The following GALNT17 variants were observed in gnomAD, a reference collection of about 807,000 sequenced individuals.
The protein encoded by GALNT17 is UDP-GalNAc:polypeptide N-acetylgalactosaminyltransferase-like 3.
A neutral mutation model predicts 63.7 loss-of-function variants in GALNT17; 29 were observed. That is an observed-to-expected ratio of 0.46 (90% CI 0.34 to 0.62). The LOEUF (loss-of-function observed/expected upper bound fraction) is 0.62, where lower values mean the gene tolerates loss of function less well. Ranked by LOEUF, GALNT17 falls within the 20% of genes least tolerant of loss-of-function variation. The pLI, the probability that GALNT17 is intolerant of heterozygous loss-of-function variation, is 0.01. For missense variants in GALNT17, 603 were observed against 799.6 expected (o/e 0.75, Z 2.97); for synonymous variants, 305 against 318.3 (o/e 0.96, Z 0.45).
chr7:71,272,640 G>T (rs1030667658), intron 1 of GALNT17, among the ~76,000 whole-genome samples: 5 of 152,166 alleles, frequency 3.3e-5, no homozygotes, highest in African/African-American at 1.2e-4. Flanking sequence ...CCTTCAACCT[G>T]CGCTTCAGAC....
At chr7:71,355,187 TGAG>T (rs1490174222) in intron 2 of GALNT17, among the ~76,000 whole-genome samples, 1 of 152,208 alleles carries the variant, frequency 6.6e-6, no homozygotes, top group African/African-American at 2.4e-5. Flanking sequence ...TCTGACTTAT[TGAG>T]TTCTGCTTTT....
chr7:71,396,260 G>A (rs1793138135), intron 3 of GALNT17, among the ~76,000 whole-genome samples: 1 of 151,992 alleles, frequency 6.6e-6, no homozygotes, highest in East Asian at 1.9e-4. Context: ...CTTCCATTTA[G>A]GTTTATATCC....
chr7:71,352,629 G>T (rs996718362), intron 2 of GALNT17, among the ~76,000 whole-genome samples: 4 of 152,192 alleles, frequency 2.6e-5, no homozygotes, highest in Admixed American at 2.0e-4. Flanking sequence ...AGAGATAGGG[G>T]TTGGGAGATA....
intron 5 of GALNT17, among the ~76,000 whole-genome samples, chr7:71,529,904 G>A (rs933902432): frequency 1.3e-5 from 2 of 152,054 alleles, no homozygotes; most frequent in African/African-American, 4.8e-5. Context: ...TTGACTCCTG[G>A]GCTTTTCTAG....
At chr7:71,609,506 GAA>G (rs1790094360) in intron 6 of GALNT17, among the ~76,000 whole-genome samples, 1 of 152,108 alleles carries the variant, frequency 6.6e-6, no homozygotes, top group South Asian at 2.1e-4. Flanking sequence ...CAGAGAGAGA[GAA>G]AGAGAGAAAT....
intron 5 of GALNT17, among the ~76,000 whole-genome samples, chr7:71,532,442 A>G (rs1788735677): frequency 6.6e-6 from 1 of 152,174 alleles, no homozygotes; most frequent in Admixed American, 6.5e-5. Context: ...TGTTTAAAGT[A>G]CCATATGTCT....
At chr7:71,685,913 G>A (rs1791347221) in intron 9 of GALNT17, among the ~76,000 whole-genome samples, 1 of 23,970 alleles carries the variant, frequency 4.2e-5, no homozygotes, top group Non-Finnish European at 2.3e-4. Flanking sequence ...GAGGTTCTTG[G>A]GTTTTTTTTT....
intron 1 of GALNT17, among the ~76,000 whole-genome samples, chr7:71,162,117 C>T (rs1788356361): frequency 3.0e-5 from 3 of 100,624 alleles, no homozygotes; most frequent in Non-Finnish European, 2.1e-5. Context: ...TCCTCCCTCC[C>T]TCCCTCCCTT....
chr7:71,577,322 C>T (rs1396443874), intron 6 of GALNT17, among the ~76,000 whole-genome samples: 1 of 152,196 alleles, frequency 6.6e-6, no homozygotes, highest in Non-Finnish European at 1.5e-5. Flanking sequence ...TCACACACAA[C>T]ACCCATGTGA....
chr7:71,625,887 G>T (rs1489193176), intron 6 of GALNT17, among the ~76,000 whole-genome samples: 2 of 152,142 alleles, frequency 1.3e-5, no homozygotes, highest in Admixed American at 1.3e-4. Context: ...GGTCTTTAAA[G>T]AATGAAGTTA....
In GALNT17 at chr7:71,263,683, A is replaced by G. The variant is rs182592383; in HGVS notation, c.239-71867A>G. Among the ~76,000 whole-genome samples, 660 of 151,922 alleles carry G rather than the reference A, an allele frequency of 4.3e-3. 21 individuals carry two copies. The East Asian group carries it at 0.097, about 22-fold the overall frequency. ...TCATGCCTGTAATCCCAGCACTTTG[A>G]GAGGCCAAGGCGGGCGGATCACTAG... On this transcript the variant is annotated intron_variant, in intron 1 of 10. Coordinates refer to ENST00000333538, the MANE Select transcript of GALNT17 (RefSeq NM_022479.3).
At chr7:71,244,496 A>G (rs1279104688) in intron 1 of GALNT17, among the ~76,000 whole-genome samples, 1 of 152,142 alleles carries the variant, frequency 6.6e-6, no homozygotes, top group Admixed American at 6.5e-5. Flanking sequence ...TAGTTGTGTG[A>G]CCTTGAGCAA....
intron 5 of GALNT17, among the ~76,000 whole-genome samples, chr7:71,538,997 C>G (rs543197314): frequency 5.3e-5 from 8 of 151,976 alleles, no homozygotes; most frequent in Admixed American, 5.2e-4. Flanking sequence ...AGTGCAGTGG[C>G]GCCATTTCAA....
rs149074490 is a variant in GALNT17, at chr7:71,710,811, C to A, written c.1551C>A (p.Thr517=). ...EGFLHLGALG[T]TTLLPDTRCL... ...TCCTGCACTTGGGTGCCCTGGGGACCACCACACTCCTCCCTGACACCCGCT... is the reference window on the plus strand; with the variant it reads ...TCCTGCACTTGGGTGCCCTGGGGACAACCACACTCCTCCCTGACACCCGCT... The change falls in exon 10 of 11, where the codon ACC becomes ACA. Residue 517 remains threonine (T), a synonymous_variant. Transcript: ENST00000333538. 2.1e-4 allele frequency: 345 copies of A among 1,613,388 alleles called. 1 individual carries two copies. Among genetic ancestry groups the A allele is most frequent in the Non-Finnish European group, 2.8e-4 (326 of 1,179,942 alleles).
At chr7:71,416,946 A>G (rs1786544520) in intron 4 of GALNT17, among the ~76,000 whole-genome samples, 1 of 152,196 alleles carries the variant, frequency 6.6e-6, no homozygotes, top group East Asian at 1.9e-4. Flanking sequence ...AAGATTTTGG[A>G]TGCACAAAGA....
chr7:71,649,844 G>A (rs903689914), intron 6 of GALNT17, among the ~76,000 whole-genome samples: 6 of 152,156 alleles, frequency 3.9e-5, no homozygotes, highest in Non-Finnish European at 7.3e-5. Context: ...TGTAATTCTC[G>A]TTAACCCTAT....
intron 1 of GALNT17, among the ~76,000 whole-genome samples, chr7:71,299,523 A>G (rs1791154832): frequency 6.6e-6 from 1 of 152,140 alleles, no homozygotes; most frequent in African/African-American, 2.4e-5. Context: ...ACAGATTTAC[A>G]GTCTCAGTTT....
At chr7:71,327,230 ATACCC>A (rs1791720663) in intron 1 of GALNT17, among the ~76,000 whole-genome samples, 1 of 152,184 alleles carries the variant, frequency 6.6e-6, no homozygotes, top group Non-Finnish European at 1.5e-5. Context: ...TGATAAAGAC[ATACCC>A]AAGACTGGGT....
intron 6 of GALNT17, among the ~76,000 whole-genome samples, chr7:71,647,229 A>ATT (rs5884850): frequency 0.31 from 42,341 of 137,424 alleles, 7,962 homozygotes; most frequent in Non-Finnish European, 0.41. Flanking sequence ...GTGCCCAGCT[A>ATT]TTTTTTTTTT....
Sources: allele counts gnomAD v4.1 joint callset (sites outside exome capture counted in the v4.1 genomes callset), GRCh38; gene constraint gnomAD v4.1.1; transcripts MANE v1.5; gene names NCBI Gene and HGNC (gene_info 2026-07-23, HGNC 2026-07-21).